The following PLXNA4 variants were observed in gnomAD, a reference collection of about 807,000 sequenced individuals.
The protein encoded by PLXNA4 is plexin A4, also known as plexin-A4.
A neutral mutation model predicts 191.8 loss-of-function variants in PLXNA4; 44 were observed. That is an observed-to-expected ratio of 0.23 (90% confidence interval 0.18 to 0.29). The LOEUF is 0.29. PLXNA4 is among the 10% of genes least tolerant of loss of function. The probability of loss-of-function intolerance (pLI) is 1.00; values close to 1 mark genes in which losing one functional copy is unlikely to be tolerated. For missense variants in PLXNA4, 1,800 were observed against 2,488.8 expected (o/e 0.72, Z 5.89); for synonymous variants, 1,082 against 1,009.5 (o/e 1.07, Z -1.36).
At chr7:132,355,957 T>C (rs1207482282) in intron 3 of PLXNA4, among the ~76,000 whole-genome samples, 2 of 152,110 alleles carry the variant, frequency 1.3e-5, no homozygotes, top group African/African-American at 4.8e-5. Context: ...AACATATCAG[T>C]GGGCAGCTGA....
At chr7:132,403,534 C>T (rs1236260215) in intron 3 of PLXNA4, among the ~76,000 whole-genome samples, 1 of 152,174 alleles carries the variant, frequency 6.6e-6, no homozygotes, top group Non-Finnish European at 1.5e-5. Flanking sequence ...TAAATCATCT[C>T]CCTCTCACTT....
intron 3 of PLXNA4, among the ~76,000 whole-genome samples, chr7:132,407,339 G>A (rs1308821758): frequency 6.6e-6 from 1 of 152,206 alleles, no homozygotes; most frequent in East Asian, 1.9e-4. Context: ...GATTTTCACA[G>A]AGAGGTGTGT....
At chr7:132,281,613 T>C (rs992589391) in intron 4 of PLXNA4, among the ~76,000 whole-genome samples, 1 of 152,214 alleles carries the variant, frequency 6.6e-6, no homozygotes. Context: ...TCTCCCCAAA[T>C]GATCTCCTCA....
intron 28 of PLXNA4, 93 bp downstream of exon 28, chr7:132,146,417 G>C (rs1795435753): frequency 6.2e-7 from 1 of 1,604,858 alleles, no homozygotes; most frequent in Admixed American, 1.7e-5. Flanking sequence ...CAGCATGAAT[G>C]CTGGGTACTG....
Position 132,133,072 on chromosome 7 carries a change from A to G in PLXNA4, c.5566T>C (p.Tyr1856His), listed in dbSNP as rs1341230202. 1 of 1,614,094 alleles carries G rather than the reference A, an allele frequency of 6.2e-7. No individual in the cohort carries two copies. The highest frequency in any genetic ancestry group is 1.1e-5 in the South Asian group (1 of 91,062). Reference protein sequence around the residue: ...TMSALSEIFSYVGKYSEEILG... With the variant: ...TMSALSEIFSHVGKYSEEILG... ...ACCTCCTCGCTGTATTTGCCCACAT[A>G]GGAGAAGATCTCTGAGAGTGCACTC... The change falls in exon 31 of 32, where the codon TAT becomes CAT. Residue 1856 changes from tyrosine to histidine, a missense_variant. Tyr to His is a moderately conservative substitution (Grantham distance 83). Transcript: ENST00000321063.
intron 20 of PLXNA4, among the ~76,000 whole-genome samples, chr7:132,178,715 CACACACACACACACACTTGTAAATGAA>C (rs1796562913): frequency 1.7e-5 from 2 of 117,426 alleles, no homozygotes; most frequent in African/African-American, 8.5e-5. Context: ...CATACACATA[CACACACACACACACACTTGTAAATGAA>C]ACACATACAC....
intron 9 of PLXNA4, among the ~76,000 whole-genome samples, chr7:132,220,766 A>G (rs149592864): frequency 2.1e-4 from 30 of 144,656 alleles, no homozygotes; most frequent in African/African-American, 7.5e-4. Flanking sequence ...TTCTAAAGGG[A>G]TCTCTGCATT....
chr7:132,598,295 G>C (rs1354942840), intron 2 of PLXNA4, among the ~76,000 whole-genome samples: 2 of 152,124 alleles, frequency 1.3e-5, no homozygotes, highest in Non-Finnish European at 2.9e-5. Context: ...TTTCAGTAGA[G>C]ACAGGGGGTT....
chr7:132,474,636 A>ACG (rs138304333), intron 3 of PLXNA4, among the ~76,000 whole-genome samples: 3 of 151,664 alleles, frequency 2.0e-5, no homozygotes, highest in East Asian at 1.9e-4. Flanking sequence ...ACACACACAC[A>ACG]CGCGCGCGCA....
intron 1 of PLXNA4, among the ~76,000 whole-genome samples, chr7:132,542,815 G>T (rs990047746): frequency 3.3e-5 from 5 of 152,076 alleles, no homozygotes; most frequent in Admixed American, 1.3e-4. Context: ...TATTTTTTCA[G>T]TTCCAGGATT....
chr7:132,274,899 C>T (rs932523654), intron 4 of PLXNA4, among the ~76,000 whole-genome samples: 24 of 151,400 alleles, frequency 1.6e-4, no homozygotes, highest in African/African-American at 5.8e-4. Flanking sequence ...AGAGCTATAG[C>T]ACCCAGCCTC....
intron 2 of PLXNA4, among the ~76,000 whole-genome samples, chr7:132,645,162 G>C (rs561248053): frequency 6.6e-6 from 1 of 152,302 alleles, no homozygotes; most frequent in African/African-American, 2.4e-5. Context: ...TCATGCAGCC[G>C]CTTCCTTTGC....
At position 132,153,634 on chromosome 7, in the gene PLXNA4, T is replaced by C. The variant is rs113205980; in HGVS notation, c.4661-4988A>G. Among the ~76,000 whole-genome samples, 731 of 152,084 alleles carry C rather than the reference T, an allele frequency of 4.8e-3. 4 individuals are homozygous for C. Among genetic ancestry groups the C allele is most frequent in the African/African-American group, 0.017 (703 of 41,466 alleles). On this transcript the variant is annotated intron_variant, in intron 25 of 31. Coordinates refer to ENST00000321063, the MANE Select transcript of PLXNA4 (RefSeq NM_020911.2). ...TGGCAGTGGGAAGCTGAGGCATAGATAGGAAAGAGATCCTCCACAGGCCAA... is the reference window on the plus strand; with the variant it reads ...TGGCAGTGGGAAGCTGAGGCATAGACAGGAAAGAGATCCTCCACAGGCCAA...
intron 3 of PLXNA4, among the ~76,000 whole-genome samples, chr7:132,318,473 T>C (rs1049723116): frequency 3.9e-5 from 6 of 152,088 alleles, no homozygotes; most frequent in Non-Finnish European, 8.8e-5. Context: ...CCCTCCCTGC[T>C]TTCCCTCTCC....
intron 3 of PLXNA4, among the ~76,000 whole-genome samples, chr7:132,436,978 G>A (rs1423750890): frequency 6.6e-6 from 1 of 152,144 alleles, no homozygotes; most frequent in African/African-American, 2.4e-5. Context: ...ATATGACTGG[G>A]CTTTCCTGCT....
chr7:132,306,205 G>A (rs1801516280), intron 3 of PLXNA4, among the ~76,000 whole-genome samples: 1 of 152,180 alleles, frequency 6.6e-6, no homozygotes, highest in Non-Finnish European at 1.5e-5. Flanking sequence ...AGGCCTTGAA[G>A]TGCCCAGAAT....
At chr7:132,186,855 C>T (rs1584813669) in intron 15 of PLXNA4, among the ~76,000 whole-genome samples, 1 of 152,096 alleles carries the variant, frequency 6.6e-6, no homozygotes, top group East Asian at 1.9e-4. Flanking sequence ...ACCAGAGAGC[C>T]TACCTTTGAA....
At chr7:132,327,323 G>A (rs1211028566) in intron 3 of PLXNA4, among the ~76,000 whole-genome samples, 2 of 152,080 alleles carry the variant, frequency 1.3e-5, no homozygotes, top group African/African-American at 4.8e-5. Flanking sequence ...CAATCTAAGG[G>A]TCAGAAGTAC....
chr7:132,219,959 T>A (rs1798090888), intron 9 of PLXNA4, among the ~76,000 whole-genome samples: 1 of 152,172 alleles, frequency 6.6e-6, no homozygotes, highest in Non-Finnish European at 1.5e-5. Flanking sequence ...AGCACATAGG[T>A]CTGCATAAGT....
Sources: gnomAD v4.1 joint callset for allele counts (sites outside exome capture counted in the v4.1 genomes callset) on GRCh38, gnomAD v4.1.1 for gene constraint, MANE v1.5 for transcripts, NCBI Gene and HGNC (gene_info 2026-07-23, HGNC 2026-07-21) for gene names.